Variants in RAB27B observed in about 807,000 individuals in gnomAD.
RAB27B encodes RAB27B, member RAS oncogene family.
In RAB27B, 15 loss-of-function variants were observed where a neutral mutation model predicts 24.6. The observed-to-expected ratio is 0.61, with a 90% CI of 0.41 to 0.94. The LOEUF (loss-of-function observed/expected upper bound fraction) is 0.94, where lower values mean the gene tolerates loss of function less well. Ranked by LOEUF, RAB27B falls within the 40% of genes least tolerant of loss-of-function variation. The probability of loss-of-function intolerance (pLI) is 0.00; values close to 1 mark genes in which losing one functional copy is unlikely to be tolerated. For synonymous variants in RAB27B, 105 were observed against 92.5 expected, an observed-to-expected ratio of 1.14 and a Z score of -0.78; for missense variants, 261 against 266.8, an observed-to-expected ratio of 0.98 and a Z score of 0.15.
intron 1 of RAB27B, among the ~76,000 whole-genome samples, chr18:54,846,813 TAAATA>T (rs931664167): frequency 2.3e-4 from 35 of 152,340 alleles, no homozygotes; most frequent in African/African-American, 6.7e-4. Flanking sequence ...TGTAGTTTTA[TAAATA>T]AAATAGAAAT....
chr18:54,784,657 A>T (rs910683823), intron 2 of RAB27B, among the ~76,000 whole-genome samples: 1 of 151,768 alleles, frequency 6.6e-6, no homozygotes, highest in Non-Finnish European at 1.5e-5. Flanking sequence ...TTCTTTTTTT[A>T]TGGCTGCGTA....
chr18:54,891,023 G>A lies in RAB27B; in HGVS notation c.*1610G>A, dbSNP rs896164192. On this transcript the variant is annotated 3_prime_UTR_variant, in exon 6 of 6. Coordinates refer to ENST00000262094, the MANE Select transcript of RAB27B (RefSeq NM_004163.4). ...TTATGAGCATATGATTTTTTGACAG[G>A]CTGTTTCCTCGTCGTATAGATTTTT... 4.0e-5 allele frequency: 6 copies of A among 151,594 alleles called. No individual in the cohort carries two copies. The highest frequency in any genetic ancestry group is 1.5e-4 in the African/African-American group (6 of 41,330). The allele number at this position is 151,594 out of a possible 1,614,324, so 9.4% of individuals were successfully genotyped here. A position where few individuals can be genotyped will look rare whatever the true frequency, so the allele number is the denominator to read the frequency against.
At chr18:54,836,818 A>T (rs958832552) in intron 1 of RAB27B, among the ~76,000 whole-genome samples, 5 of 152,008 alleles carry the variant, frequency 3.3e-5, no homozygotes, top group African/African-American at 1.2e-4. Context: ...TAAGAAATCC[A>T]AGAATTAATG....
At chr18:54,782,782 G>C (rs1029669731) in intron 2 of RAB27B, among the ~76,000 whole-genome samples, 5 of 152,126 alleles carry the variant, frequency 3.3e-5, no homozygotes, top group African/African-American at 1.2e-4. Flanking sequence ...GTAAACAATA[G>C]CTGAGGCTAC....
At chr18:54,824,620 C>T (rs939757821), upstream of RAB27B, among the ~76,000 whole-genome samples, 2 of 152,016 alleles carry the variant, frequency 1.3e-5, no homozygotes, top group Admixed American at 6.6e-5. Flanking sequence ...ATGGGCATAC[C>T]CTGGAAGCGA....
chr18:54,820,387 T>A (rs949438908), intron 2 of RAB27B, among the ~76,000 whole-genome samples: 9 of 152,266 alleles, frequency 5.9e-5, no homozygotes, highest in Admixed American at 4.6e-4. Context: ...TGAGCATTTT[T>A]TCATGTGCCT....
At chr18:54,754,290 C>T (rs1051557660) in intron 2 of RAB27B, among the ~76,000 whole-genome samples, 1 of 152,020 alleles carries the variant, frequency 6.6e-6, no homozygotes, top group African/African-American at 2.4e-5. Context: ...TGCCTTCTAC[C>T]ATAATTGTAA....
intron 2 of RAB27B, among the ~76,000 whole-genome samples, chr18:54,718,835 C>T (rs1909271684): frequency 6.6e-6 from 1 of 152,088 alleles, no homozygotes; most frequent in African/African-American, 2.4e-5. Context: ...TTTTACAAAT[C>T]AATTGAAGGT....
chr18:54,770,022 T>C (rs1908492914), intron 2 of RAB27B, among the ~76,000 whole-genome samples: 1 of 152,056 alleles, frequency 6.6e-6, no homozygotes, highest in South Asian at 2.1e-4. Flanking sequence ...TGTGCACCAC[T>C]ATGCCTGGCT....
At chr18:54,734,203 G>A (rs535019907) in intron 2 of RAB27B, among the ~76,000 whole-genome samples, 1 of 152,178 alleles carries the variant, frequency 6.6e-6, no homozygotes, top group Admixed American at 6.5e-5. Flanking sequence ...TGAGGTCAGC[G>A]GTCTGCCTGT....
chr18:54,795,846 A>G (rs2145120212), intron 2 of RAB27B, among the ~76,000 whole-genome samples: 1 of 152,332 alleles, frequency 6.6e-6, no homozygotes, highest in South Asian at 2.1e-4. Flanking sequence ...GTGTGAAGGT[A>G]GTTATGCATA....
rs1053468578 is a variant in RAB27B, at chr18:54,895,459, T to C, written c.*6046T>C. The C allele has an allele frequency of 6.6e-6, 1 of 152,122 alleles. No homozygotes were observed. Among genetic ancestry groups the C allele is most frequent in the Admixed American group, 6.6e-5 (1 of 15,244 alleles). The allele number at this position is 152,122 out of a possible 1,614,324, so 9.4% of individuals were successfully genotyped here. A position where few individuals can be genotyped will look rare whatever the true frequency, so the allele number is the denominator to read the frequency against. On this transcript the variant is annotated 3_prime_UTR_variant, in exon 6 of 6. Transcript: ENST00000262094. ...GGCTATGAATACTATGGTTGAGAAT[T>C]GTATTCAGTGATTGTTTCTGCACAC...
chr18:54,754,903 T>G (rs1350271234), intron 2 of RAB27B, among the ~76,000 whole-genome samples: 1 of 152,210 alleles, frequency 6.6e-6, no homozygotes, highest in Admixed American at 6.5e-5. Context: ...TTGCTAGTTT[T>G]GAGGTGGAGT....
At chr18:54,873,391 C>G (rs1225675942) in intron 1 of RAB27B, among the ~76,000 whole-genome samples, 2 of 152,198 alleles carry the variant, frequency 1.3e-5, no homozygotes, top group Non-Finnish European at 2.9e-5. Context: ...AAGTGAGATG[C>G]ATTTCCTGAA....
At chr18:54,866,360 A>G (rs554551000) in intron 1 of RAB27B, among the ~76,000 whole-genome samples, 243 of 151,856 alleles carry the variant, frequency 1.6e-3, no homozygotes, top group Non-Finnish European at 2.1e-3. Flanking sequence ...CAATGGCGCT[A>G]TATCTTCTCA....
intron 2 of RAB27B, among the ~76,000 whole-genome samples, chr18:54,804,013 T>A (rs1303800758): frequency 6.6e-6 from 1 of 152,186 alleles, no homozygotes; most frequent in Non-Finnish European, 1.5e-5. Flanking sequence ...TATTTCTCCC[T>A]CTTCTTGATT....
intron 2 of RAB27B, among the ~76,000 whole-genome samples, chr18:54,774,099 T>C (rs551043271): frequency 6.6e-6 from 1 of 152,216 alleles, no homozygotes; most frequent in Non-Finnish European, 1.5e-5. Context: ...ACTATGCAAC[T>C]GAATAGCTAA....
chr18:54,753,942 T>C (rs144602236), intron 2 of RAB27B, among the ~76,000 whole-genome samples: 330 of 152,318 alleles, frequency 2.2e-3, no homozygotes, highest in Middle Eastern at 0.01. Flanking sequence ...TATCTCCACT[T>C]AGAGACATTA....
rs1249539796 is a variant in RAB27B at position 54,888,013 on chromosome 18, C to G, written c.362C>G (p.Ala121Gly). Residue 121 changes from alanine to glycine, a missense_variant, in exon 5 of 6, where the codon GCT becomes GGT. Ala to Gly is a moderately conservative substitution (Grantham distance 60). Transcript: ENST00000262094. Reference sequence around the variant, plus strand: ...TTTCAAGGCCAACTGCAAGCAAATGCTTATTGTGAAAATCCAGATATAGTA... The same window carrying G: ...TTTCAAGGCCAACTGCAAGCAAATGGTTATTGTGAAAATCCAGATATAGTA... ...RNWMSQLQANAYCENPDIVLI... is the reference protein window; with the variant it reads ...RNWMSQLQANGYCENPDIVLI... 3.1e-6 allele frequency: 5 copies of G among 1,611,848 alleles called. No homozygotes were observed. The East Asian group carries it at 8.9e-5, about 29-fold the overall frequency.
Sources: allele counts gnomAD v4.1 joint callset (sites outside exome capture counted in the v4.1 genomes callset), GRCh38; gene constraint gnomAD v4.1.1; transcripts MANE v1.5; gene names NCBI Gene and HGNC (gene_info 2026-07-23, HGNC 2026-07-21).